MAML3: variants seen among roughly 807,000 people sequenced by gnomAD.
MAML3 encodes mastermind like transcriptional coactivator 3.
Under a neutral mutation model 101.9 loss-of-function variants are expected in MAML3, and 27 were observed. That is an observed-to-expected ratio of 0.27 (90% confidence interval 0.20 to 0.37). The LOEUF is 0.37. Ranked by LOEUF, MAML3 falls within the 10% of genes least tolerant of loss-of-function variation. The pLI is 1.00. For synonymous variants in MAML3, 501 were observed against 555.9 expected, an observed-to-expected ratio of 0.90 and a Z score of 1.39; for missense variants, 1,316 against 1,444.9, an observed-to-expected ratio of 0.91 and a Z score of 1.45.
At chr4:140,028,235 C>T (rs1024207697) in intron 1 of MAML3, among the ~76,000 whole-genome samples, 3 of 152,148 alleles carry the variant, frequency 2.0e-5, no homozygotes, top group Admixed American at 6.5e-5. Context: ...ATAGATGAAG[C>T]AGGAAGAAGA....
intron 1 of MAML3, among the ~76,000 whole-genome samples, chr4:139,914,942 A>G (rs560901651): frequency 4.1e-4 from 62 of 152,250 alleles, no homozygotes; most frequent in African/African-American, 8.7e-4. Flanking sequence ...GCCAACTTGA[A>G]TATCAAAAGT....
intron 1 of MAML3, among the ~76,000 whole-genome samples, chr4:139,971,091 C>T (rs1029315191): frequency 2.6e-5 from 4 of 152,154 alleles, no homozygotes; most frequent in Admixed American, 6.5e-5. Context: ...CTTTTCATAT[C>T]CCAGTTTTCC....
At chr4:139,935,846 A>G (rs945997681) in intron 1 of MAML3, among the ~76,000 whole-genome samples, 1 of 152,198 alleles carries the variant, frequency 6.6e-6, no homozygotes, top group African/African-American at 2.4e-5. Flanking sequence ...GCTAATTAAC[A>G]TATCCATCAC....
chr4:139,914,582 C>T (rs1377828902), intron 1 of MAML3, among the ~76,000 whole-genome samples: 1 of 152,158 alleles, frequency 6.6e-6, no homozygotes, highest in African/African-American at 2.4e-5. Context: ...CTTAGACCTC[C>T]TTTAAACTAA....
intron 1 of MAML3, among the ~76,000 whole-genome samples, chr4:140,145,210 C>T (rs992518844): frequency 1.2e-4 from 18 of 152,130 alleles, no homozygotes; most frequent in African/African-American, 4.1e-4. Flanking sequence ...ACCTCCTTTA[C>T]CCATGGAAGT....
chr4:140,064,855 T>C lies in MAML3; in HGVS notation c.468+88005A>G, dbSNP rs149228327. Among the ~76,000 whole-genome samples, 50 of 152,328 alleles carry C rather than the reference T, an allele frequency of 3.3e-4. 1 individual carries two copies. The highest frequency in any genetic ancestry group is 6.5e-4 in the Non-Finnish European group (44 of 68,030). ...TGCCCTAAAACTGAGGGGAGACTTATAAGTTTTGTTTCTTGAAGCTCTTCT... is the reference window on the plus strand; with the variant it reads ...TGCCCTAAAACTGAGGGGAGACTTACAAGTTTTGTTTCTTGAAGCTCTTCT... On this transcript the variant is annotated intron_variant, in intron 1 of 4. Coordinates refer to ENST00000509479, the MANE Select transcript of MAML3 (RefSeq NM_018717.5).
chr4:139,874,598 G>A (rs537734935), intron 2 of MAML3, among the ~76,000 whole-genome samples: 34 of 152,174 alleles, frequency 2.2e-4, no homozygotes, highest in Admixed American at 4.6e-4. Flanking sequence ...ATGAATGAAT[G>A]AATGAATGAA....
intron 1 of MAML3, among the ~76,000 whole-genome samples, chr4:139,991,610 T>A (rs1431053232): frequency 6.6e-6 from 1 of 152,234 alleles, no homozygotes; most frequent in African/African-American, 2.4e-5. Context: ...AATATTATTA[T>A]TGAAGGTTAA....
chr4:139,891,089 CATACTT>C lies in MAML3; in HGVS notation c.469-128_469-123del, dbSNP rs933262569. The C allele has an allele frequency of 1.9e-5, 22 of 1,171,310 alleles. No individual in the cohort carries two copies. In the African/African-American group the frequency reaches 2.5e-4, roughly 13 times the overall value. 72.6% of individuals were successfully genotyped at this position (1,171,310 alleles called of 1,614,324 possible). A position where few individuals can be genotyped will look rare whatever the true frequency, so the allele number is the denominator to read the frequency against. On this transcript the variant is annotated intron_variant, in intron 1 of 4. Coordinates refer to ENST00000509479, the MANE Select transcript of MAML3 (RefSeq NM_018717.5). ...GGTTTACGACACACAGGAAAGAAGTCATACTTATAATTTCAAAATCAGGCAACGCTG... is the reference window on the plus strand; with the variant it reads ...GGTTTACGACACACAGGAAAGAAGTCATAATTTCAAAATCAGGCAACGCTG...
chr4:139,774,184 C>T (rs1730048053), intron 2 of MAML3, among the ~76,000 whole-genome samples: 1 of 152,214 alleles, frequency 6.6e-6, no homozygotes, highest in Non-Finnish European at 1.5e-5. Flanking sequence ...CCTCTCACTG[C>T]AGGAGCAGAA....
intron 1 of MAML3, among the ~76,000 whole-genome samples, chr4:140,019,599 TGAAATATATGTTAGA>T (rs1275223961): frequency 6.6e-6 from 1 of 152,212 alleles, no homozygotes; most frequent in Non-Finnish European, 1.5e-5. Flanking sequence ...GGCAGCTCTC[TGAAATATATGTTAGA>T]GCCTCAATCT....
intron 1 of MAML3, 52 bp downstream of exon 1, chr4:140,152,806 CCA>C (rs1729198346): frequency 1.3e-5 from 21 of 1,563,538 alleles, no homozygotes; most frequent in South Asian, 4.8e-5. Context: ...GCGCCCCCCA[CCA>C]CCACCACCAC....
chr4:139,963,188 G>A (rs1187823403), intron 1 of MAML3, among the ~76,000 whole-genome samples: 1 of 152,170 alleles, frequency 6.6e-6, no homozygotes, highest in Non-Finnish European at 1.5e-5. Flanking sequence ...GGAGGCTAAG[G>A]CAGGAGGATA....
At chr4:139,864,236 A>G (rs1731846092) in intron 2 of MAML3, among the ~76,000 whole-genome samples, 1 of 152,218 alleles carries the variant, frequency 6.6e-6, no homozygotes, top group South Asian at 2.1e-4. Context: ...CAGAGGCTGC[A>G]GGAAGATACA....
chr4:139,984,015 A>G (rs1734491568), intron 1 of MAML3, among the ~76,000 whole-genome samples: 1 of 152,184 alleles, frequency 6.6e-6, no homozygotes, highest in Admixed American at 6.5e-5. Flanking sequence ...TACAGATGCA[A>G]TTATAATAAT....
chr4:140,075,710 A>AT (rs1203685378), intron 1 of MAML3, among the ~76,000 whole-genome samples: 1 of 147,750 alleles, frequency 6.8e-6, no homozygotes, highest in African/African-American at 2.5e-5. Context: ...CCAATTTCAA[A>AT]TTTTTTTTGT....
intron 2 of MAML3, among the ~76,000 whole-genome samples, chr4:139,810,820 T>A (rs995946464): frequency 6.6e-6 from 1 of 152,220 alleles, no homozygotes; most frequent in African/African-American, 2.4e-5. Flanking sequence ...TTCAGTAGAA[T>A]CCTGATTGTA....
rs115255608 is a variant in MAML3, at chr4:139,953,006, T to G, written c.469-62039A>C. The stretch of plus-strand genomic sequence containing the variant: ...TTTGAGGTCACTGGGGATTTCAGGG[T>G]TTCTCTATCACAAAAGTTATTTTAA... On this transcript the variant is annotated intron_variant, in intron 1 of 4. Coordinates refer to ENST00000509479, the MANE Select transcript of MAML3 (RefSeq NM_018717.5). 6.8e-3 allele frequency among the ~76,000 whole-genome samples: 1,043 copies of G among 152,302 alleles called. 10 individuals are homozygous for G. The highest frequency in any genetic ancestry group is 0.024 in the African/African-American group (993 of 41,554).
chr4:139,818,010 G>T (rs1437097087), intron 2 of MAML3, among the ~76,000 whole-genome samples: 3 of 152,164 alleles, frequency 2.0e-5, no homozygotes, highest in Non-Finnish European at 4.4e-5. Context: ...TATCACAATT[G>T]CCTGGTGGGT....
Sources: allele counts gnomAD v4.1 joint callset (sites outside exome capture counted in the v4.1 genomes callset), GRCh38; gene constraint gnomAD v4.1.1; transcripts MANE v1.5; gene names NCBI Gene and HGNC (gene_info 2026-07-23, HGNC 2026-07-21).